Variants in CENPC observed in about 807,000 individuals in gnomAD.
CENPC encodes the protein CENP-C 1.
In CENPC, 63 loss-of-function variants were observed where a neutral mutation model predicts 112.1. The ratio of observed to expected loss-of-function variants is 0.56; its 90% CI spans 0.46 to 0.69. The LOEUF (loss-of-function observed/expected upper bound fraction) is 0.69. CENPC is among the 30% of genes least tolerant of loss of function. CENPC has a pLI of 0.00. For synonymous variants in CENPC, 333 were observed against 367.6 expected, an observed-to-expected ratio of 0.91 and a Z score of 1.08; for missense variants, 1,000 against 1,103.8, an observed-to-expected ratio of 0.91 and a Z score of 1.33.
chr4:67,491,490 G>T (rs866068757), intron 16 of CENPC, among the ~76,000 whole-genome samples: 66 of 110,014 alleles, frequency 6.0e-4, no homozygotes, highest in African/African-American at 1.0e-3. Context: ...TAGAGAGAGA[G>T]AGAGAGAGAG....
At chr4:67,491,380 A>G (rs893623327) in intron 16 of CENPC, among the ~76,000 whole-genome samples, 1 of 148,342 alleles carries the variant, frequency 6.7e-6, no homozygotes, top group Non-Finnish European at 1.5e-5. Flanking sequence ...CTCCTCTGAT[A>G]TAGGACAAAC....
At chr4:67,489,092 T>C (rs965778929) in intron 17 of CENPC, among the ~76,000 whole-genome samples, 12 of 152,126 alleles carry the variant, frequency 7.9e-5, no homozygotes, top group Non-Finnish European at 1.2e-4. Flanking sequence ...GCTGGTATAA[T>C]GTTAAATATT....
intron 4 of CENPC, among the ~76,000 whole-genome samples, chr4:67,535,748 G>C (rs1358610981): frequency 6.6e-6 from 1 of 152,116 alleles, no homozygotes; most frequent in Non-Finnish European, 1.5e-5. Context: ...TTTATGTGTT[G>C]TGGTCGGAAG....
intron 4 of CENPC, among the ~76,000 whole-genome samples, chr4:67,534,303 C>T (rs1223085033): frequency 1.3e-5 from 2 of 152,050 alleles, no homozygotes; most frequent in African/African-American, 4.8e-5. Flanking sequence ...GTAGTCCCAG[C>T]TGCTCGAGAG....
At chr4:67,491,333 C>T (rs1023222046) in intron 16 of CENPC, among the ~76,000 whole-genome samples, 1 of 150,452 alleles carries the variant, frequency 6.6e-6, no homozygotes, top group Non-Finnish European at 1.5e-5. Context: ...ACCACCACGC[C>T]CAGCTACCAT....
At chr4:67,516,204 C>A (rs1018163416) in intron 7 of CENPC, among the ~76,000 whole-genome samples, 1 of 152,000 alleles carries the variant, frequency 6.6e-6, no homozygotes, top group Non-Finnish European at 1.5e-5. Flanking sequence ...TCCAATTAGT[C>A]AGGAAACTTT....
At chr4:67,528,897 T>C (rs1196845003) in intron 5 of CENPC, among the ~76,000 whole-genome samples, 1 of 152,196 alleles carries the variant, frequency 6.6e-6, no homozygotes, top group African/African-American at 2.4e-5. Context: ...ACTATCAAAT[T>C]GTTTTCTATG....
chr4:67,494,044 G>T, intron 13 of CENPC, 56 bp from the exon 14 acceptor site: 1 of 984,920 alleles, frequency 1.0e-6, no homozygotes, highest in Non-Finnish European at 1.5e-6. Context: ...ATGGTACTTA[G>T]CAGTGGAAAG....
intron 9 of CENPC, among the ~76,000 whole-genome samples, chr4:67,509,596 G>A (rs766072133): frequency 2.0e-5 from 3 of 152,000 alleles, no homozygotes; most frequent in Non-Finnish European, 4.4e-5. Context: ...ATTCTATCCA[G>A]ATATCTAAAT....
chr4:67,544,383 C>T (rs1726969691), intron 1 of CENPC, among the ~76,000 whole-genome samples, 188 bp from the exon 2 acceptor site: 1 of 152,174 alleles, frequency 6.6e-6, no homozygotes, highest in Non-Finnish European at 1.5e-5. Flanking sequence ...GAACTGCAGG[C>T]ATCTGGTAAG....
chr4:67,512,491 A>T lies in CENPC; in HGVS notation c.1523T>A (p.Leu508His). ...AGTTGAAGTCACTTCTTCAGGTACA[A>T]GTTTGTTCTTGGACTCACTGGAAAA... ...KRFSSESKNKLVPEEVTSTVT... is the reference protein window; with the variant it reads ...KRFSSESKNKHVPEEVTSTVT... The change falls in exon 9 of 19, where the codon CTT becomes CAT. Residue 508 changes from leucine (L) to histidine (H), a missense_variant. Leu to His is a moderately conservative substitution (Grantham distance 99, BLOSUM62 -3). Coordinates refer to ENST00000273853, the MANE Select transcript of CENPC (RefSeq NM_001812.4). 1 of 1,595,492 alleles carries T rather than the reference A, an allele frequency of 6.3e-7. No homozygotes were observed. Among genetic ancestry groups the T allele is most frequent in the Non-Finnish European group, 8.5e-7 (1 of 1,170,532 alleles).
At chr4:67,485,090 C>T (rs1038186215) in intron 17 of CENPC, among the ~76,000 whole-genome samples, 2 of 152,094 alleles carry the variant, frequency 1.3e-5, no homozygotes, top group East Asian at 1.9e-4. Flanking sequence ...GAGACTCCAA[C>T]TCAAAAAGAT....
rs775143894 is a variant in CENPC at position 67,492,967 on chromosome 4, G to C, written c.2321C>G (p.Pro774Arg). 1 of 1,544,544 alleles carries C rather than the reference G, an allele frequency of 6.5e-7. No individual in the cohort carries two copies. Reference sequence around the variant, plus strand: ...CTTCCTTTTAGACGATATTGTGTCTGGAGATAGTACTCCACTAATCACGAA... The same window carrying C: ...CTTCCTTTTAGACGATATTGTGTCTCGAGATAGTACTCCACTAATCACGAA... The part of the protein sequence containing the change: ...GGFVISGVLS[P>R]DTISSKRKAK... Residue 774 changes from proline to arginine, a missense_variant, in exon 15 of 19, where the codon CCA becomes CGA. Pro to Arg is a moderately radical substitution (Grantham distance 103). Transcript: ENST00000273853.
At chr4:67,481,858 C>G (rs13117786) in intron 17 of CENPC, among the ~76,000 whole-genome samples, 33,011 of 152,002 alleles carry the variant, frequency 0.22, 3,634 homozygotes, top group South Asian at 0.27. Context: ...GACTTCATGA[C>G]CAAGAATCCA....
At position 67,471,843 on chromosome 4, in the gene CENPC, G is replaced by C. The variant is rs973202829; in HGVS notation, c.*762C>G. Reference sequence around the variant, plus strand: ...GGAAAGTTGAGGCCACATACAGAAAGCAATGGCGAAGGACACTGCCTCCAA... The same window carrying C: ...GGAAAGTTGAGGCCACATACAGAAACCAATGGCGAAGGACACTGCCTCCAA... On this transcript the variant is annotated 3_prime_UTR_variant, in exon 19 of 19. Coordinates refer to ENST00000273853, the MANE Select transcript of CENPC (RefSeq NM_001812.4). 1 of 152,342 alleles carries C rather than the reference G, an allele frequency of 6.6e-6. No individual in the cohort carries two copies. The highest frequency in any genetic ancestry group is 2.4e-5 in the African/African-American group (1 of 41,442). 9.4% of individuals were successfully genotyped at this position (152,342 alleles called of 1,614,324 possible). A position where few individuals can be genotyped will look rare whatever the true frequency, so the allele number is the denominator to read the frequency against.
chr4:67,513,554 C>A (rs1386196262), intron 8 of CENPC, among the ~76,000 whole-genome samples: 2 of 152,068 alleles, frequency 1.3e-5, no homozygotes, highest in African/African-American at 4.8e-5. Flanking sequence ...TCCTTTTAAT[C>A]CTATGCATGT....
At position 67,474,922 on chromosome 4, in the gene CENPC, T is replaced by C. The variant is rs1156289467; in HGVS notation, c.2727A>G (p.Ile909Met). The C allele has an allele frequency of 6.3e-7, 1 of 1,583,058 alleles. No homozygotes were observed. Among genetic ancestry groups the C allele is most frequent in the South Asian group, 1.2e-5 (1 of 85,874 alleles). The change falls in exon 18 of 19, where the codon ATA becomes ATG. Residue 909 changes from isoleucine (I) to methionine (M), a missense_variant. Physicochemically the swap from Ile to Met is conservative, Grantham distance 10 (BLOSUM62 1). Transcript: ENST00000273853. ...LLCTLHETPY[I>M]LSTGDSFYVP... ...CATAGAACGAATCCCCAGTACTTAATATATAAGGTGTTTCATGTAAAGTAC... is the reference window on the plus strand; with the variant it reads ...CATAGAACGAATCCCCAGTACTTAACATATAAGGTGTTTCATGTAAAGTAC...
chr4:67,531,805 C>A (rs1262029193), intron 4 of CENPC, among the ~76,000 whole-genome samples: 2 of 152,164 alleles, frequency 1.3e-5, no homozygotes, highest in Non-Finnish European at 2.9e-5. Context: ...CCTTACTGAC[C>A]CAGCTGTGTA....
Position 67,519,307 on chromosome 4 carries a change from G to C in CENPC, c.527C>G (p.Ser176Cys), listed in dbSNP as rs773485914. The part of the protein sequence containing the change: ...KTSVSQNVIP[S>C]SAQKRETYTF... ...GTAAGTCTCTCTCTTTTGGGCACTA[G>C]ATGGAATAACATTTTGTGATACAGA... The change falls in exon 6 of 19, where the codon TCT (serine) becomes TGT (cysteine). Residue 176 changes from serine (S) to cysteine (C), a missense_variant. By Grantham distance (112) the Ser-to-Cys change is moderately radical. Transcript: ENST00000273853. 6.2e-7 allele frequency: 1 copy of C among 1,612,380 alleles called. No individual in the cohort carries two copies. Among genetic ancestry groups the C allele is most frequent in the South Asian group, 1.1e-5 (1 of 91,000 alleles).
Sources: gnomAD v4.1 joint callset for allele counts (sites outside exome capture counted in the v4.1 genomes callset) on GRCh38, gnomAD v4.1.1 for gene constraint, MANE v1.5 for transcripts, NCBI Gene and HGNC (gene_info 2026-07-23, HGNC 2026-07-21) for gene names.